The following FIBCD1 variants were observed in gnomAD, a reference collection of about 807,000 sequenced individuals.
FIBCD1 encodes the protein fibrinogen C domain containing 1.
FIBCD1 carries 47 observed loss-of-function variants against 45.1 expected under a neutral mutation model. That is an observed-to-expected ratio of 1.04 (90% CI 0.82 to 1.33). The LOEUF (loss-of-function observed/expected upper bound fraction) is 1.33. FIBCD1 is among the 40% of genes most tolerant of loss of function. The probability of loss-of-function intolerance (pLI) is 0.00; values close to 1 mark genes in which losing one functional copy is unlikely to be tolerated. For synonymous variants in FIBCD1, 313 were observed against 308.1 expected (o/e 1.02, Z -0.17); for missense variants, 653 against 682.2 (o/e 0.96, Z 0.48).
rs763780956 is a variant in FIBCD1 at position 130,938,234 on chromosome 9, C to CTG, written c.72+300_72+301dup. 574 of 325,426 alleles carry CTG rather than the reference C, an allele frequency of 1.8e-3. 3 individuals are homozygous for CTG. The highest frequency in any genetic ancestry group is 0.012 in the Middle Eastern group (13 of 1,096). The allele number at this position is 325,426 out of a possible 1,614,324, so 20.2% of individuals were successfully genotyped here. On this transcript the variant is annotated intron_variant, in intron 1 of 6. Transcript: ENST00000372338. ...GATTTGTCTGTGGACACACAGCGAACTGTAAGTCCCCGCCTCCCTCTGCAC... is the reference window on the plus strand; with the variant it reads ...GATTTGTCTGTGGACACACAGCGAACTGTGTAAGTCCCCGCCTCCCTCTGCAC...
chr9:130,933,239 G>A (rs1280430113), intron 1 of FIBCD1, among the ~76,000 whole-genome samples: 6 of 152,346 alleles, frequency 3.9e-5, no homozygotes, highest in African/African-American at 9.6e-5. Context: ...TGCCGTTTAC[G>A]TGCCTTGCGA....
intron 4 of FIBCD1, among the ~76,000 whole-genome samples, chr9:130,913,507 G>A (rs12347283): frequency 0.14 from 20,813 of 152,210 alleles, 3,290 homozygotes; most frequent in African/African-American, 0.39. Flanking sequence ...TGTCCGTCAC[G>A]GCGTTTGGGC....
At chr9:130,927,991 G>A (rs1418265702) in intron 2 of FIBCD1, among the ~76,000 whole-genome samples, 1 of 152,144 alleles carries the variant, frequency 6.6e-6, no homozygotes. Flanking sequence ...CACCTCTGGC[G>A]ATTCCAACCC....
At chr9:130,934,876 G>T (rs1247943227) in intron 1 of FIBCD1, among the ~76,000 whole-genome samples, 1 of 152,174 alleles carries the variant, frequency 6.6e-6, no homozygotes, top group African/African-American at 2.4e-5. Flanking sequence ...TAAACAGTGA[G>T]CTCAGAAGGA....
Position 130,902,554 on chromosome 9 carries a change from T to G in FIBCD1, c.*1510A>C, listed in dbSNP as rs1427803235. ...ATTGTTTTTTAAGCACAAACTTCAG[T>G]GGGAGGGGAAGGGAGAACGGAACCC... On this transcript the variant is annotated 3_prime_UTR_variant, in exon 7 of 7. Transcript: ENST00000372338. The G allele has an allele frequency of 6.6e-6, 1 of 152,214 alleles. No individual in the cohort carries two copies. Among genetic ancestry groups the G allele is most frequent in the Non-Finnish European group, 1.5e-5 (1 of 68,048 alleles). The allele number at this position is 152,214 out of a possible 1,614,324, so 9.4% of individuals were successfully genotyped here.
At chr9:130,916,796 T>G (rs1434122274) in intron 4 of FIBCD1, among the ~76,000 whole-genome samples, 1 of 151,800 alleles carries the variant, frequency 6.6e-6, no homozygotes, top group Non-Finnish European at 1.5e-5. Context: ...GAATCCCCAC[T>G]AGGCAAAAAG....
In FIBCD1 at chr9:130,902,584, C is replaced by T. The variant is rs926062099; in HGVS notation, c.*1480G>A. The T allele has an allele frequency of 1.3e-5, 2 of 152,294 alleles. No homozygotes were observed. Among genetic ancestry groups the T allele is most frequent in the African/African-American group, 4.8e-5 (2 of 41,468 alleles). The allele number at this position is 152,294 out of a possible 1,614,324, so 9.4% of individuals were successfully genotyped here. ...GGGGAAGGGAGAACGGAACCCCACA[C>T]CCCCTAGGCACCTGCCATCGGGTGT... On this transcript the variant is annotated 3_prime_UTR_variant, in exon 7 of 7. Transcript: ENST00000372338.
chr9:130,929,838 A>G lies in FIBCD1; in HGVS notation c.281T>C (p.Ile94Thr). 1.3e-6 allele frequency: 2 copies of G among 1,549,854 alleles called. No individual in the cohort carries two copies. The highest frequency in any genetic ancestry group is 1.7e-6 in the Non-Finnish European group (2 of 1,146,744). The stretch of plus-strand genomic sequence containing the variant: ...GGTGAGGTCGGGGCAGCGCGGGTCA[A>G]TGAGGATGCTGAGGTGCGAGCTGTC... ...RADSSHLSILIDPRCPDLTDS... is the reference protein window; with the variant it reads ...RADSSHLSILTDPRCPDLTDS... The change falls in exon 2 of 7, where the codon ATT becomes ACT. Residue 94 changes from isoleucine to threonine, a missense_variant. Transcript: ENST00000372338.
At chr9:130,912,979 G>A (rs1452706130) in intron 4 of FIBCD1, among the ~76,000 whole-genome samples, 2 of 152,180 alleles carry the variant, frequency 1.3e-5, no homozygotes, top group South Asian at 2.1e-4. Context: ...TCGGGGTGCT[G>A]GGAAACCGGA....
chr9:130,930,409 G>C (rs1040599609), intron 1 of FIBCD1, among the ~76,000 whole-genome samples: 3 of 151,124 alleles, frequency 2.0e-5, no homozygotes, highest in African/African-American at 7.3e-5. Flanking sequence ...GAGATGCGGG[G>C]AGACGCGGGG....
chr9:130,912,891 C>G (rs958867804), intron 4 of FIBCD1, among the ~76,000 whole-genome samples: 14 of 152,052 alleles, frequency 9.2e-5, no homozygotes, highest in African/African-American at 3.4e-4. Flanking sequence ...AGAGCACCCC[C>G]CACACACCCC....
At chr9:130,920,156 C>T (rs1832235793) in intron 4 of FIBCD1, among the ~76,000 whole-genome samples, 1 of 143,434 alleles carries the variant, frequency 7.0e-6, no homozygotes, top group South Asian at 2.1e-4. Context: ...TGGCATCTCA[C>T]ACAGCCAGGG....
intron 4 of FIBCD1, among the ~76,000 whole-genome samples, chr9:130,917,511 C>T (rs1279711597): frequency 1.3e-5 from 2 of 152,184 alleles, no homozygotes; most frequent in Admixed American, 6.5e-5. Context: ...CCACCGACGG[C>T]CCTGTGTTGT....
At chr9:130,912,528 G>A (rs1333825442) in intron 4 of FIBCD1, among the ~76,000 whole-genome samples, 1 of 151,936 alleles carries the variant, frequency 6.6e-6, no homozygotes, top group Admixed American at 6.6e-5. Context: ...TCAACGTGGG[G>A]AAACCCCGTC....
At chr9:130,930,343 C>CGCAGGGAGAG (rs1832427468) in intron 1 of FIBCD1, among the ~76,000 whole-genome samples, 1 of 149,302 alleles carries the variant, frequency 6.7e-6, no homozygotes, top group Non-Finnish European at 1.5e-5. Context: ...CGCGGGGAGA[C>CGCAGGGAGAG]GCAGGGAGAT....
At chr9:130,915,717 AT>A (rs1402946360) in intron 4 of FIBCD1, among the ~76,000 whole-genome samples, 1 of 152,092 alleles carries the variant, frequency 6.6e-6, no homozygotes, top group Non-Finnish European at 1.5e-5. Context: ...AAATAAAAAA[AT>A]AAACTGCAGC....
chr9:130,920,967 G>A (rs1461467034), intron 4 of FIBCD1, among the ~76,000 whole-genome samples: 1 of 152,260 alleles, frequency 6.6e-6, no homozygotes, highest in African/African-American at 2.4e-5. Flanking sequence ...CACTGTGGGA[G>A]GCCTGGAGGC....
chr9:130,929,395 C>T (rs1832407445), intron 2 of FIBCD1, among the ~76,000 whole-genome samples, 172 bp downstream of exon 2: 1 of 152,208 alleles, frequency 6.6e-6, no homozygotes, highest in Admixed American at 6.5e-5. Context: ...GGATGAGTGA[C>T]TGCGCCTCCC....
chr9:130,915,430 C>T (rs1832141541), intron 4 of FIBCD1, among the ~76,000 whole-genome samples: 1 of 152,204 alleles, frequency 6.6e-6, no homozygotes, highest in Admixed American at 6.5e-5. Flanking sequence ...TGGCCAGGAG[C>T]GGTGGCTCAC....
Sources: allele counts gnomAD v4.1 joint callset (sites outside exome capture counted in the v4.1 genomes callset), GRCh38; gene constraint gnomAD v4.1.1; transcripts MANE v1.5; gene names NCBI Gene and HGNC (gene_info 2026-07-23, HGNC 2026-07-21).